GPC5: variants seen among roughly 807,000 people sequenced by gnomAD.
GPC5 encodes the protein glypican-5.
In GPC5, 47 loss-of-function variants were observed where a neutral mutation model predicts 53.9. The observed-to-expected ratio is 0.87, with a 90% confidence interval of 0.69 to 1.11. GPC5 has a LOEUF of 1.11. Among genes scored for constraint, GPC5 ranks in the 50% most tolerant of loss-of-function variants. The probability of loss-of-function intolerance (pLI) is 0.00; values close to 1 mark genes in which losing one functional copy is unlikely to be tolerated. For synonymous variants in GPC5, 286 were observed against 263.3 expected, an observed-to-expected ratio of 1.09 and a Z score of -0.84; for missense variants, 748 against 713.1, an observed-to-expected ratio of 1.05 and a Z score of -0.56.
At position 92,866,353 on chromosome 13, in the gene GPC5, A is replaced by C. The variant is rs543866919; in HGVS notation, c.1633A>C (p.Thr545Pro). The change falls in exon 8 of 8, where the codon ACA becomes CCA. Residue 545 changes from threonine to proline, a missense_variant. Coordinates refer to ENST00000377067, the MANE Select transcript of GPC5 (RefSeq NM_004466.6). ...HQTDTGSTLD[T>P]TGAGCAVATE... ...AACAGACACTGGCAGTACTTTAGAC[A>C]CAACAGGAGCAGGATGTGCAGTGGC... The C allele has an allele frequency of 4.1e-5, 66 of 1,613,270 alleles. No individual in the cohort carries two copies. The South Asian group carries it at 7.1e-4, about 17-fold the overall frequency.
At chr13:92,309,963 A>G (rs753639224) in intron 7 of GPC5, among the ~76,000 whole-genome samples, 2 of 151,834 alleles carry the variant, frequency 1.3e-5, no homozygotes, top group African/African-American at 4.8e-5. Flanking sequence ...CATGAGTCTG[A>G]CTTTTTTTAG....
intron 6 of GPC5, among the ~76,000 whole-genome samples, chr13:91,975,831 T>C (rs1349434675): frequency 5.3e-5 from 8 of 152,208 alleles, no homozygotes; most frequent in Admixed American, 1.3e-4. Flanking sequence ...CATATGTTTA[T>C]TGCGGCACTA....
In GPC5 at chr13:92,611,213, C is replaced by T. The variant is rs368042755; in HGVS notation, c.1562-255069C>T. The stretch of plus-strand genomic sequence containing the variant: ...AGGTATATTTAAAATATAGTTATAA[C>T]CAATGAATAGAATGTAACTAATATA... On this transcript the variant is annotated intron_variant, in intron 7 of 7. Transcript: ENST00000377067. Among the ~76,000 whole-genome samples, 29 of 152,142 alleles carry T rather than the reference C, an allele frequency of 1.9e-4. No individual in the cohort carries two copies. In the South Asian group the frequency reaches 5.6e-3, roughly 29 times the overall value.
intron 7 of GPC5, among the ~76,000 whole-genome samples, chr13:92,640,189 C>A (rs1885545674): frequency 6.6e-6 from 1 of 151,742 alleles, no homozygotes; most frequent in African/African-American, 2.4e-5. Context: ...TATTATTTTT[C>A]TCCTAATTCT....
At chr13:92,404,575 A>T (rs1875710374) in intron 7 of GPC5, among the ~76,000 whole-genome samples, 1 of 152,246 alleles carries the variant, frequency 6.6e-6, no homozygotes, top group Non-Finnish European at 1.5e-5. Context: ...TGCAATACAA[A>T]TTAAGACCTT....
chr13:92,471,661 G>T (rs901714143), intron 7 of GPC5, among the ~76,000 whole-genome samples: 15 of 152,246 alleles, frequency 9.9e-5, no homozygotes, highest in African/African-American at 1.9e-4. Flanking sequence ...GAGAGAGAAT[G>T]AGAGTAATTA....
intron 7 of GPC5, among the ~76,000 whole-genome samples, chr13:92,814,385 G>A (rs1233987788): frequency 6.6e-6 from 1 of 151,928 alleles, no homozygotes; most frequent in African/African-American, 2.4e-5. Flanking sequence ...CATCGGCTGG[G>A]CATGGTGTCT....
chr13:92,304,349 C>T (rs1337619482), intron 7 of GPC5, among the ~76,000 whole-genome samples: 3 of 151,842 alleles, frequency 2.0e-5, no homozygotes, highest in Non-Finnish European at 4.4e-5. Context: ...GGACTATAGG[C>T]GCCTGCCACC....
chr13:92,709,923 G>A (rs889553371), intron 7 of GPC5, among the ~76,000 whole-genome samples: 1 of 152,212 alleles, frequency 6.6e-6, no homozygotes, highest in African/African-American at 2.4e-5. Context: ...CATAGCTTAA[G>A]TGTAGTTTGT....
At chr13:92,379,775 T>C (rs1171988103) in intron 7 of GPC5, among the ~76,000 whole-genome samples, 3 of 152,188 alleles carry the variant, frequency 2.0e-5, no homozygotes, top group Admixed American at 1.3e-4. Flanking sequence ...TTCCTCTCTG[T>C]GTCCTCAAAT....
intron 6 of GPC5, among the ~76,000 whole-genome samples, chr13:92,057,761 T>C (rs1425334502): frequency 6.6e-6 from 1 of 152,174 alleles, no homozygotes; most frequent in African/African-American, 2.4e-5. Flanking sequence ...TGGAGGCTAA[T>C]AGTACCCTTA....
At chr13:91,723,752 G>T (rs1383593260) in intron 3 of GPC5, among the ~76,000 whole-genome samples, 2 of 152,100 alleles carry the variant, frequency 1.3e-5, no homozygotes, top group African/African-American at 2.4e-5. Context: ...TTTGTTGATT[G>T]CAATGACTAT....
At chr13:91,910,077 T>C (rs1209199039) in intron 6 of GPC5, among the ~76,000 whole-genome samples, 2 of 152,350 alleles carry the variant, frequency 1.3e-5, no homozygotes, top group South Asian at 4.1e-4. Flanking sequence ...AATTATATGA[T>C]CAAAATTTAG....
chr13:92,008,963 T>C (rs2040635878), intron 6 of GPC5, among the ~76,000 whole-genome samples: 1 of 152,156 alleles, frequency 6.6e-6, no homozygotes, highest in Non-Finnish European at 1.5e-5. Context: ...TTTAATACCA[T>C]CTAGTGAATT....
intron 7 of GPC5, among the ~76,000 whole-genome samples, chr13:92,175,332 C>T (rs182169465): frequency 2.0e-5 from 3 of 152,216 alleles, no homozygotes; most frequent in Admixed American, 2.0e-4. Flanking sequence ...TGTATCTATA[C>T]ATATATAAAA....
intron 7 of GPC5, among the ~76,000 whole-genome samples, chr13:92,527,222 AAAGAAAGAAAGAAAG>A (rs1881368580): frequency 1.9e-4 from 7 of 37,834 alleles, no homozygotes; most frequent in Admixed American, 1.3e-3. Flanking sequence ...AGAAAGAAAG[AAAGAAAGAAAGAAAG>A]AAAGAAAGAA....
chr13:92,268,816 T>G (rs1173413484), intron 7 of GPC5, among the ~76,000 whole-genome samples: 1 of 152,134 alleles, frequency 6.6e-6, no homozygotes, highest in East Asian at 1.9e-4. Context: ...ATACTTTTTC[T>G]TATGTCATTG....
intron 6 of GPC5, among the ~76,000 whole-genome samples, chr13:91,960,708 T>C (rs1252035354): frequency 2.0e-5 from 3 of 151,868 alleles, no homozygotes; most frequent in Non-Finnish European, 4.4e-5. Context: ...AAAAGAGACG[T>C]GGATAAATGG....
At chr13:91,688,470 A>T (rs1055470293) in intron 2 of GPC5, among the ~76,000 whole-genome samples, 1 of 152,204 alleles carries the variant, frequency 6.6e-6, no homozygotes, top group Non-Finnish European at 1.5e-5. Flanking sequence ...GAATATTTCA[A>T]TATCAGGTTT....
Sources: gnomAD v4.1 joint callset for allele counts (sites outside exome capture counted in the v4.1 genomes callset) on GRCh38, gnomAD v4.1.1 for gene constraint, MANE v1.5 for transcripts, NCBI Gene and HGNC (gene_info 2026-07-23, HGNC 2026-07-21) for gene names.